ANKRD29: variants seen among roughly 807,000 people sequenced by gnomAD.
The protein encoded by ANKRD29 is ankyrin repeat domain-containing protein 29.
A neutral mutation model predicts 38.0 loss-of-function variants in ANKRD29; 32 were observed. The observed-to-expected ratio is 0.84, with a 90% CI of 0.64 to 1.13. The LOEUF is 1.13. Among genes scored for constraint, ANKRD29 ranks in the 50% most tolerant of loss-of-function variants. The probability of loss-of-function intolerance (pLI) is 0.00; values close to 1 mark genes in which losing one functional copy is unlikely to be tolerated. For synonymous variants in ANKRD29, 135 were observed against 152.4 expected, an observed-to-expected ratio of 0.89 and a Z score of 0.84; for missense variants, 357 against 377.9, an observed-to-expected ratio of 0.94 and a Z score of 0.46.
chr18:23,647,605 C>G (rs565756227), intron 2 of ANKRD29: 1 of 152,120 alleles, frequency 6.6e-6, no homozygotes, highest in African/African-American at 2.4e-5. Context: ...CTGCAACCCC[C>G]GCCTCCCAGG....
intron 9 of ANKRD29, among the ~76,000 whole-genome samples, chr18:23,606,286 G>A (rs2059574155): frequency 6.6e-6 from 1 of 151,964 alleles, no homozygotes; most frequent in African/African-American, 2.4e-5. Flanking sequence ...TATGTTTTTT[G>A]TTTTTTAATT....
At position 23,619,801 on chromosome 18, in the gene ANKRD29, G is replaced by C. The variant is rs150804629; in HGVS notation, c.529-172C>G. 38 of 571,314 alleles carry C rather than the reference G, an allele frequency of 6.7e-5. No homozygotes were observed. The East Asian group carries it at 1.2e-3, about 18-fold the overall frequency. 35.4% of individuals were successfully genotyped at this position (571,314 alleles called of 1,614,324 possible). A position where few individuals can be genotyped will look rare whatever the true frequency, so the allele number is the denominator to read the frequency against. ...CGCCCAGGAGGCAGTGAGAAAAGAGGGGGTGTGTGTAGCCCACGGACGCAG... is the reference window on the plus strand; with the variant it reads ...CGCCCAGGAGGCAGTGAGAAAAGAGCGGGTGTGTGTAGCCCACGGACGCAG... On this transcript the variant is annotated intron_variant, in intron 6 of 9. Coordinates refer to ENST00000592179, the MANE Select transcript of ANKRD29 (RefSeq NM_173505.4).
intron 3 of ANKRD29, among the ~76,000 whole-genome samples, chr18:23,639,798 A>G (rs1242929307): frequency 6.6e-6 from 1 of 152,188 alleles, no homozygotes; most frequent in African/African-American, 2.4e-5. Flanking sequence ...GGCCTCCCAA[A>G]GTGCTGGGAT....
chr18:23,633,923 C>T (rs962967279), intron 5 of ANKRD29, 128 bp downstream of exon 5: 2 of 911,644 alleles, frequency 2.2e-6, no homozygotes, highest in Non-Finnish European at 3.4e-6. Context: ...ATATTTTTCT[C>T]TTGACTCAGA....
At chr18:23,635,518 A>C (rs1054630571) in intron 4 of ANKRD29, among the ~76,000 whole-genome samples, 6 of 152,076 alleles carry the variant, frequency 3.9e-5, no homozygotes, top group African/African-American at 1.4e-4. Context: ...TTTCCCATCT[A>C]GCGTTGTTGA....
chr18:23,630,983 GA>G (rs1276149890), intron 5 of ANKRD29, among the ~76,000 whole-genome samples: 2 of 130,796 alleles, frequency 1.5e-5, no homozygotes, highest in Non-Finnish European at 3.4e-5. Context: ...AAAAAAAAAA[GA>G]AAAAAAAGAA....
intron 5 of ANKRD29, 94 bp from the exon 6 acceptor site, chr18:23,630,045 C>T (rs1464355537): frequency 1.9e-6 from 2 of 1,052,774 alleles, no homozygotes; most frequent in South Asian, 1.4e-5. Flanking sequence ...TGCCTGTAAT[C>T]ACAGCACTTT....
intron 9 of ANKRD29, among the ~76,000 whole-genome samples, chr18:23,603,656 C>T (rs1252484684): frequency 1.3e-5 from 2 of 152,042 alleles, no homozygotes; most frequent in African/African-American, 4.8e-5. Flanking sequence ...AACAAAAAAA[C>T]TGATCCATCA....
In ANKRD29 at chr18:23,662,774, G is replaced by A. The variant is rs552590338; in HGVS notation, c.-44C>T. ...GGGAGCCGGCGCGCTTTGGGCCCGG[G>A]GCGCCTTGTCCTCCCCGGCCCTTCA... is the stretch of plus-strand genomic sequence containing the variant. On this transcript the variant is annotated 5_prime_UTR_variant, in exon 1 of 10. Coordinates refer to ENST00000592179, the MANE Select transcript of ANKRD29 (RefSeq NM_173505.4). The A allele has an allele frequency of 2.4e-4, 340 of 1,445,248 alleles. No homozygotes were observed. In the African/African-American group the frequency reaches 4.3e-3, roughly 18 times the overall value. The allele number at this position is 1,445,248 out of a possible 1,614,324, so 89.5% of individuals were successfully genotyped here.
chr18:23,637,441 A>G (rs914508812), intron 4 of ANKRD29, among the ~76,000 whole-genome samples: 1 of 152,206 alleles, frequency 6.6e-6, no homozygotes, highest in Non-Finnish European at 1.5e-5. Context: ...TTTGTGACCC[A>G]GGCTGGAGTG....
At chr18:23,644,462 A>G (rs1312613935) in intron 3 of ANKRD29, among the ~76,000 whole-genome samples, 2 of 152,270 alleles carry the variant, frequency 1.3e-5, no homozygotes, top group African/African-American at 4.8e-5. Flanking sequence ...TTCATCCCAC[A>G]GGAAAATTAA....
intron 7 of ANKRD29, among the ~76,000 whole-genome samples, chr18:23,618,081 T>C (rs1239299262): frequency 6.6e-6 from 1 of 152,192 alleles, no homozygotes; most frequent in East Asian, 1.9e-4. Flanking sequence ...ACTTCTACAG[T>C]TCCTGAGAAC....
At chr18:23,653,189 T>G (rs1391173021) in intron 1 of ANKRD29, among the ~76,000 whole-genome samples, 3 of 152,224 alleles carry the variant, frequency 2.0e-5, no homozygotes, top group Non-Finnish European at 4.4e-5. Context: ...AATAACCTAA[T>G]GTGCATTTCT....
At chr18:23,629,245 A>C (rs995903763) in intron 6 of ANKRD29, among the ~76,000 whole-genome samples, 1 of 152,278 alleles carries the variant, frequency 6.6e-6, no homozygotes, top group African/African-American at 2.4e-5. Context: ...TCGGCCTCCC[A>C]GGGTGCTGGG....
At chr18:23,616,954 C>G (rs990778538) in intron 8 of ANKRD29, among the ~76,000 whole-genome samples, 1 of 151,968 alleles carries the variant, frequency 6.6e-6, no homozygotes, top group Admixed American at 6.6e-5. Flanking sequence ...TAGGGTGGCT[C>G]ATGCCAGTAA....
chr18:23,652,518 C>A (rs1455540747), intron 1 of ANKRD29, among the ~76,000 whole-genome samples: 1 of 152,144 alleles, frequency 6.6e-6, no homozygotes, highest in Non-Finnish European at 1.5e-5. Flanking sequence ...TGGAAAGTCC[C>A]CAACGTTCCT....
intron 1 of ANKRD29, among the ~76,000 whole-genome samples, chr18:23,662,083 G>A (rs1353117129): frequency 6.6e-6 from 1 of 151,378 alleles, no homozygotes; most frequent in Non-Finnish European, 1.5e-5. Flanking sequence ...CCAGGGTTGA[G>A]ACCATACACA....
chr18:23,608,768 A>T (rs978625562), intron 9 of ANKRD29, among the ~76,000 whole-genome samples: 18 of 152,228 alleles, frequency 1.2e-4, no homozygotes, highest in Admixed American at 5.2e-4. Context: ...CCCTTTCCCG[A>T]AAAGACCCCC....
At chr18:23,632,529 G>GTATATATATATA (rs1319966480) in intron 5 of ANKRD29, among the ~76,000 whole-genome samples, 27 of 68,140 alleles carry the variant, frequency 4.0e-4, no homozygotes, top group Admixed American at 7.3e-4. Flanking sequence ...GTGTGTGTGT[G>GTATATATATATA]TGTGTATATA....
Sources: gnomAD v4.1 joint callset for allele counts (sites outside exome capture counted in the v4.1 genomes callset) on GRCh38, gnomAD v4.1.1 for gene constraint, MANE v1.5 for transcripts, NCBI Gene and HGNC (gene_info 2026-07-23, HGNC 2026-07-21) for gene names.